The following APBA2 variants were observed in gnomAD, a reference collection of about 807,000 sequenced individuals.
APBA2 encodes the protein amyloid beta precursor protein binding family A member 2.
Under a neutral mutation model 75.0 loss-of-function variants are expected in APBA2, and 30 were observed. The observed-to-expected ratio is 0.40, with a 90% CI of 0.30 to 0.54. The LOEUF (loss-of-function observed/expected upper bound fraction) is 0.54. APBA2 is among the 20% of genes least tolerant of loss of function. APBA2 has a pLI of 0.49. For missense variants in APBA2, 801 were observed against 1,016.1 expected, an observed-to-expected ratio of 0.79 and a Z score of 2.88; for synonymous variants, 444 against 409.6, an observed-to-expected ratio of 1.08 and a Z score of -1.01.
intron 1 of APBA2, among the ~76,000 whole-genome samples, chr15:28,903,661 G>A (rs1340500532): frequency 6.6e-6 from 1 of 152,182 alleles, no homozygotes; most frequent in Non-Finnish European, 1.5e-5. Context: ...GAGTCAGAGG[G>A]GCCTTCCTGG....
rs1251267946 is a variant in APBA2 at position 28,886,216 on chromosome 15, A to T, written c.-267A>T. 4.0e-5 allele frequency: 6 copies of T among 150,554 alleles called. No individual in the cohort carries two copies. The highest frequency in any genetic ancestry group is 1.5e-4 in the African/African-American group (6 of 41,158). The allele number at this position is 150,554 out of a possible 1,614,324, so 9.3% of individuals were successfully genotyped here. A position where few individuals can be genotyped will look rare whatever the true frequency, so the allele number is the denominator to read the frequency against. ...GCTCACAAAGAGCTCGGCCTCGCGG[A>T]CTGAGCCGGCGGCAGCGGGGCGGGG... On this transcript the variant is annotated 5_prime_UTR_variant, in exon 1 of 15. Coordinates refer to ENST00000683413, the MANE Select transcript of APBA2 (RefSeq NM_001353788.2).
chr15:28,892,967 A>G (rs2032234263), intron 1 of APBA2, among the ~76,000 whole-genome samples: 2 of 152,232 alleles, frequency 1.3e-5, no homozygotes, highest in Admixed American at 6.5e-5. Flanking sequence ...CCTTGTGCAA[A>G]TAAAACATAG....
intron 10 of APBA2, 76 bp downstream of exon 10, chr15:29,101,860 G>T: frequency 6.9e-7 from 1 of 1,455,630 alleles, no homozygotes. Flanking sequence ...AGGCGCTGTG[G>T]AAACCACCCT....
rs554010277 is a variant in APBA2, at chr15:28,957,296, C to T, written c.-95+35547C>T. 7.9e-5 allele frequency among the ~76,000 whole-genome samples: 12 copies of T among 152,172 alleles called. No homozygotes were observed. In the South Asian group the frequency reaches 2.3e-3, roughly 29 times the overall value. On this transcript the variant is annotated intron_variant, in intron 2 of 14. Coordinates refer to ENST00000683413, the MANE Select transcript of APBA2 (RefSeq NM_001353788.2). ...TTCACTGTGTTAGCCACGATGGTCT[C>T]AATCTCCTGACCTCGTGATCCGCCC...
At chr15:29,103,062 C>T (rs908492451) in intron 10 of APBA2, among the ~76,000 whole-genome samples, 3 of 152,328 alleles carry the variant, frequency 2.0e-5, no homozygotes, top group Admixed American at 2.0e-4. Context: ...CCCTTCGAAA[C>T]CTGGATGGGT....
chr15:29,083,213 T>C (rs188675306), intron 6 of APBA2, among the ~76,000 whole-genome samples: 3 of 152,356 alleles, frequency 2.0e-5, no homozygotes, highest in African/African-American at 7.2e-5. Flanking sequence ...TTTGTCCCAA[T>C]AGCTAGCCAG....
intron 6 of APBA2, among the ~76,000 whole-genome samples, chr15:29,090,182 G>A (rs904675391): frequency 6.6e-6 from 1 of 152,198 alleles, no homozygotes; most frequent in Non-Finnish European, 1.5e-5. Context: ...GGCATGGAAG[G>A]CCCCCAGGCA....
At chr15:28,945,043 A>G (rs924101774) in intron 2 of APBA2, among the ~76,000 whole-genome samples, 5 of 152,196 alleles carry the variant, frequency 3.3e-5, no homozygotes, top group Non-Finnish European at 5.9e-5. Context: ...TTCCTTGTTC[A>G]TGGGGAGCCT....
intron 12 of APBA2, among the ~76,000 whole-genome samples, chr15:29,107,025 C>T (rs532757153): frequency 1.8e-4 from 27 of 152,232 alleles, no homozygotes; most frequent in African/African-American, 5.8e-4. Context: ...GAGGTGGACC[C>T]GGGCTGGCCT....
At chr15:28,929,688 G>C (rs2034461718) in intron 2 of APBA2, among the ~76,000 whole-genome samples, 1 of 152,176 alleles carries the variant, frequency 6.6e-6, no homozygotes, top group African/African-American at 2.4e-5. Context: ...CCCATTCTCA[G>C]TATTTGGCTT....
chr15:29,116,480 T>G lies in APBA2; in HGVS notation c.2179-582T>G, dbSNP rs943666569. On this transcript the variant is annotated intron_variant, in intron 14 of 14. Transcript: ENST00000683413. ...TCTCTGCTAAAAAATACAAAAAAAT[T>G]CGCTGGGTGTGGTGGCGGGCACCTG... 3.3e-5 allele frequency among the ~76,000 whole-genome samples: 5 copies of G among 151,464 alleles called. No homozygotes were observed. The East Asian group carries it at 9.7e-4, about 29-fold the overall frequency.
intron 1 of APBA2, among the ~76,000 whole-genome samples, chr15:28,911,095 A>T (rs2152649890): frequency 6.6e-6 from 1 of 152,360 alleles, no homozygotes; most frequent in East Asian, 1.9e-4. Flanking sequence ...AACCATAAGA[A>T]GATGTGATTT....
intron 11 of APBA2, among the ~76,000 whole-genome samples, chr15:29,105,825 A>C (rs1313082509): frequency 6.6e-6 from 1 of 152,200 alleles, no homozygotes; most frequent in Non-Finnish European, 1.5e-5. Context: ...ATCAACCAGC[A>C]CTCAGCACCC....
At chr15:29,058,646 G>A (rs2042004577) in intron 4 of APBA2, among the ~76,000 whole-genome samples, 1 of 152,112 alleles carries the variant, frequency 6.6e-6, no homozygotes. Flanking sequence ...TCCCACCTGT[G>A]CCACTCTGCT....
At chr15:28,971,555 A>G (rs1212375789) in intron 2 of APBA2, among the ~76,000 whole-genome samples, 1 of 152,172 alleles carries the variant, frequency 6.6e-6, no homozygotes, top group Non-Finnish European at 1.5e-5. Flanking sequence ...TGGAAAGTGC[A>G]TGGGATGGGA....
At position 29,069,417 on chromosome 15, in the gene APBA2, C is replaced by T. The variant is rs139548840; in HGVS notation, c.952-5504C>T. Among the ~76,000 whole-genome samples the T allele has an allele frequency of 6.0e-3, 909 of 152,276 alleles. 8 individuals carry two copies. Among genetic ancestry groups the T allele is most frequent in the African/African-American group, 0.021 (862 of 41,560 alleles). ...GGTCATGTGGTTATTCAGTGTTTACCGTTTTTAGGAACCACAGATGTTTTC... is the reference window on the plus strand; with the variant it reads ...GGTCATGTGGTTATTCAGTGTTTACTGTTTTTAGGAACCACAGATGTTTTC... On this transcript the variant is annotated intron_variant, in intron 4 of 14. Transcript: ENST00000683413.
At chr15:28,902,802 C>G (rs971331369) in intron 1 of APBA2, among the ~76,000 whole-genome samples, 4 of 152,116 alleles carry the variant, frequency 2.6e-5, no homozygotes, top group Non-Finnish European at 4.4e-5. Flanking sequence ...GACCTTGGCT[C>G]CAAACCTCAC....
At chr15:29,032,586 A>T (rs1004897076) in intron 3 of APBA2, among the ~76,000 whole-genome samples, 3 of 152,132 alleles carry the variant, frequency 2.0e-5, no homozygotes, top group Non-Finnish European at 4.4e-5. Flanking sequence ...TAGTTTTTTC[A>T]TCTGGTGATC....
intron 2 of APBA2, among the ~76,000 whole-genome samples, chr15:28,964,171 C>T (rs2036616343): frequency 6.6e-6 from 1 of 152,174 alleles, no homozygotes; most frequent in African/African-American, 2.4e-5. Context: ...CCTCTATGAT[C>T]AATTATCTAC....
Sources: allele counts gnomAD v4.1 joint callset (sites outside exome capture counted in the v4.1 genomes callset), GRCh38; gene constraint gnomAD v4.1.1; transcripts MANE v1.5; gene names NCBI Gene and HGNC (gene_info 2026-07-23, HGNC 2026-07-21).